The following USP6NL variants were observed in gnomAD, a reference collection of about 807,000 sequenced individuals.
USP6NL encodes USP6 N-terminal-like protein.
Under a neutral mutation model 61.9 loss-of-function variants are expected in USP6NL, and 26 were observed. The ratio of observed to expected loss-of-function variants is 0.42; its 90% CI spans 0.31 to 0.58. The LOEUF (loss-of-function observed/expected upper bound fraction) is 0.58. Among genes scored for constraint, USP6NL ranks in the 20% least tolerant of loss-of-function variants. The probability of loss-of-function intolerance (pLI) is 0.16; values close to 1 mark genes in which losing one functional copy is unlikely to be tolerated. For synonymous variants in USP6NL, 432 were observed against 390.1 expected (o/e 1.11, Z -1.27); for missense variants, 1,114 against 1,034.3 (o/e 1.08, Z -1.06).
In USP6NL at chr10:11,597,604, T is replaced by C; in HGVS notation, c.4+27A>G. On this transcript the variant is annotated intron_variant, in intron 2 of 14. Coordinates refer to ENST00000609104, the MANE Select transcript of USP6NL (RefSeq NM_014688.5). This position sits in a 1 kb window ranked among gnomAD's most constrained non-coding sequence, Gnocchi z 4.6. Reference sequence around the variant, plus strand: ...ATACAGCAAACGCTCCTGAGATGGCTGGAAGGAAAGGAAGCAGCGCACTTA... The same window carrying C: ...ATACAGCAAACGCTCCTGAGATGGCCGGAAGGAAAGGAAGCAGCGCACTTA... 1 of 1,551,200 alleles carries C rather than the reference T, an allele frequency of 6.4e-7. No homozygotes were observed. Among genetic ancestry groups the C allele is most frequent in the Non-Finnish European group, 8.7e-7 (1 of 1,146,554 alleles).
At chr10:11,578,978 A>G (rs1008320286) in intron 2 of USP6NL, among the ~76,000 whole-genome samples, 4 of 152,182 alleles carry the variant, frequency 2.6e-5, no homozygotes, top group African/African-American at 9.6e-5. Context: ...AAACACTACA[A>G]TCGGGGTTTT....
chr10:11,536,460 T>C (rs1019156325), intron 2 of USP6NL, among the ~76,000 whole-genome samples: 6 of 152,240 alleles, frequency 3.9e-5, no homozygotes, highest in Non-Finnish European at 8.8e-5. Flanking sequence ...ATCTTCATGT[T>C]CTTGGAATTT....
intron 2 of USP6NL, among the ~76,000 whole-genome samples, chr10:11,550,311 T>C (rs1217068435): frequency 2.0e-5 from 3 of 151,966 alleles, no homozygotes; most frequent in Admixed American, 2.0e-4. Flanking sequence ...TCAAGGGATA[T>C]AAATAAGAAA....
chr10:11,529,120 C>T lies in USP6NL; in HGVS notation c.5-1553G>A, dbSNP rs74970379. Among the ~76,000 whole-genome samples the T allele has an allele frequency of 4.5e-3, 691 of 152,074 alleles. 4 individuals carry two copies. Among genetic ancestry groups the T allele is most frequent in the African/African-American group, 0.016 (652 of 41,490 alleles). Reference sequence around the variant, plus strand: ...AAATAAGACTTACAGATTGCTGAATCTTTAAGCCAAATATAGGTCTGATAA... The same window carrying T: ...AAATAAGACTTACAGATTGCTGAATTTTTAAGCCAAATATAGGTCTGATAA... On this transcript the variant is annotated intron_variant, in intron 2 of 14. Coordinates refer to ENST00000609104, the MANE Select transcript of USP6NL (RefSeq NM_014688.5).
chr10:11,539,989 C>T (rs1214838636), intron 2 of USP6NL, among the ~76,000 whole-genome samples: 1 of 152,194 alleles, frequency 6.6e-6, no homozygotes, highest in East Asian at 1.9e-4. Context: ...CCAGGCTGTC[C>T]AATTTCAACT....
chr10:11,551,822 A>T (rs1434247966), intron 2 of USP6NL, among the ~76,000 whole-genome samples: 4 of 152,186 alleles, frequency 2.6e-5, no homozygotes, highest in Non-Finnish European at 5.9e-5. Flanking sequence ...TATTCAAATT[A>T]TTTCACTGTA....
chr10:11,492,618 A>G (rs1833749571), intron 8 of USP6NL, among the ~76,000 whole-genome samples: 1 of 152,218 alleles, frequency 6.6e-6, no homozygotes, highest in African/African-American at 2.4e-5. Flanking sequence ...ATGTCCTAAC[A>G]TATATCTCCT....
chr10:11,537,319 C>G lies in USP6NL; in HGVS notation c.5-9752G>C, dbSNP rs558030820. Among the ~76,000 whole-genome samples the G allele has an allele frequency of 1.6e-4, 24 of 152,206 alleles. No individual in the cohort carries two copies. Among genetic ancestry groups the G allele is most frequent in the African/African-American group, 5.8e-4 (24 of 41,518 alleles). ...TCGAGACGGGATTTTGCCATGTTGC[C>G]CTGGCTGGTCTCGAACTCCTGGGCT... is the stretch of plus-strand genomic sequence containing the variant. On this transcript the variant is annotated intron_variant, in intron 2 of 14. Coordinates refer to ENST00000609104, the MANE Select transcript of USP6NL (RefSeq NM_014688.5). This position sits in a 1 kb window ranked among gnomAD's most constrained non-coding sequence, Gnocchi z 5.1.
chr10:11,536,142 T>G (rs1835822867), intron 2 of USP6NL, among the ~76,000 whole-genome samples: 1 of 152,230 alleles, frequency 6.6e-6, no homozygotes, highest in Admixed American at 6.5e-5. Flanking sequence ...AAAGGCTACA[T>G]ACACCAGCTC....
At position 11,520,973 on chromosome 10, in the gene USP6NL, AG is replaced by A. The variant is rs1835181113; in HGVS notation, c.156-2400del. 6.6e-6 allele frequency among the ~76,000 whole-genome samples: 1 copy of A among 152,224 alleles called. No homozygotes were observed. The highest frequency in any genetic ancestry group is 1.5e-5 in the Non-Finnish European group (1 of 68,034). Reference sequence around the variant, plus strand: ...AAGTACCTATATCTCACAGAAATACAGTAAGGGAAAACCATAAGACAGCCAT... The same window carrying A: ...AAGTACCTATATCTCACAGAAATACATAAGGGAAAACCATAAGACAGCCAT... On this transcript the variant is annotated intron_variant, in intron 4 of 14. Coordinates refer to ENST00000609104, the MANE Select transcript of USP6NL (RefSeq NM_014688.5). This position sits in a 1 kb window ranked among gnomAD's most constrained non-coding sequence, Gnocchi z 5.2.
Position 11,528,130 on chromosome 10 carries a change from C to CACACAG in USP6NL, c.5-564_5-563insCTGTGT, listed in dbSNP as rs1835495218. 7.3e-6 allele frequency among the ~76,000 whole-genome samples: 1 copy of CACACAG among 137,030 alleles called. No individual in the cohort carries two copies. Among genetic ancestry groups the CACACAG allele is most frequent in the Non-Finnish European group, 1.5e-5 (1 of 65,436 alleles). 89.9% of individuals were successfully genotyped at this position (137,030 alleles called of 152,430 possible). ...ATATGTGTGTGGACACACACACAGACACACACACACACACACACACACACA... is the reference window on the plus strand; with the variant it reads ...ATATGTGTGTGGACACACACACAGACACACAGACACACACACACACACACACACACA... On this transcript the variant is annotated intron_variant, in intron 2 of 14. Transcript: ENST00000609104. This position sits in a 1 kb window ranked among gnomAD's most constrained non-coding sequence, Gnocchi z 4.6.
rs190376695 is a variant in USP6NL at position 11,589,854 on chromosome 10, G to A, written c.4+7777C>T. ...TAACACCTGAATGCTACCAATGTGT[G>A]AGAACAAAATCAAACCGGTGCCGCT... is the stretch of plus-strand genomic sequence containing the variant. On this transcript the variant is annotated intron_variant, in intron 2 of 14. Transcript: ENST00000609104. This position sits in a 1 kb window ranked among gnomAD's most constrained non-coding sequence, Gnocchi z 4.7. Among the ~76,000 whole-genome samples the A allele has an allele frequency of 3.9e-5, 6 of 152,284 alleles. No individual in the cohort carries two copies. Among genetic ancestry groups the A allele is most frequent in the Admixed American group, 3.9e-4 (6 of 15,298 alleles).
At chr10:11,507,027 T>C (rs983329929) in intron 6 of USP6NL, among the ~76,000 whole-genome samples, 4 of 152,242 alleles carry the variant, frequency 2.6e-5, no homozygotes, top group Admixed American at 6.5e-5. Flanking sequence ...TCTAGCATTA[T>C]AGTTATCGGA....
Position 11,493,106 on chromosome 10 carries a change from A to G in USP6NL, c.494+13T>C. 1 of 1,578,382 alleles carries G rather than the reference A, an allele frequency of 6.3e-7. No homozygotes were observed. Among genetic ancestry groups the G allele is most frequent in the Non-Finnish European group, 8.6e-7 (1 of 1,157,294 alleles). The stretch of plus-strand genomic sequence containing the variant: ...AATGCGATTAACATTTCATAATATT[A>G]AACTTTACTCACTTAACACCATATC... On this transcript the variant is annotated intron_variant, in intron 8 of 14. Transcript: ENST00000609104.
chr10:11,573,873 T>C (rs1837447610), intron 2 of USP6NL: 1 of 384,744 alleles, frequency 2.6e-6, no homozygotes, highest in African/African-American at 2.1e-5. Context: ...AGGCTGTATC[T>C]TCTTGAAATG....
chr10:11,460,618 T>A lies in USP6NL; in HGVS notation c.*1823A>T, dbSNP rs1210159487. ...ATAGTGCTTGTGTGTATATATATAT[T>A]TTTTGCATATATATATATATATATA... On this transcript the variant is annotated 3_prime_UTR_variant, in exon 15 of 15. Coordinates refer to ENST00000609104, the MANE Select transcript of USP6NL (RefSeq NM_014688.5). 1 of 120,596 alleles carries A rather than the reference T, an allele frequency of 8.3e-6. No individual in the cohort carries two copies. Among genetic ancestry groups the A allele is most frequent in the Admixed American group, 9.7e-5 (1 of 10,262 alleles). 7.5% of individuals were successfully genotyped at this position (120,596 alleles called of 1,614,324 possible).
Position 11,499,938 on chromosome 10 carries a change from T to C in USP6NL, c.384+1163A>G, listed in dbSNP as rs140976005. On this transcript the variant is annotated intron_variant, in intron 7 of 14. Coordinates refer to ENST00000609104, the MANE Select transcript of USP6NL (RefSeq NM_014688.5). The surrounding 1 kb of genome is among the most constrained non-coding windows in gnomAD (Gnocchi z 4.5). ...TTTAAACAAATACTAACAGAGCACCTACCATATGCTAGGCACACTGTACTA... is the reference window on the plus strand; with the variant it reads ...TTTAAACAAATACTAACAGAGCACCCACCATATGCTAGGCACACTGTACTA... Among the ~76,000 whole-genome samples the C allele has an allele frequency of 5.3e-5, 8 of 152,304 alleles. No homozygotes were observed. Among genetic ancestry groups the C allele is most frequent in the African/African-American group, 1.7e-4 (7 of 41,558 alleles).
chr10:11,538,846 G>A (rs1049602927), intron 2 of USP6NL, among the ~76,000 whole-genome samples: 3 of 152,142 alleles, frequency 2.0e-5, no homozygotes, highest in Non-Finnish European at 4.4e-5. Flanking sequence ...GGGGCTCCGG[G>A]AAGATGAAGT....
At chr10:11,552,335 T>C (rs968277641) in intron 2 of USP6NL, among the ~76,000 whole-genome samples, 2 of 152,234 alleles carry the variant, frequency 1.3e-5, no homozygotes, top group Non-Finnish European at 2.9e-5. Context: ...CATCCTTCAG[T>C]GCATGCCTCA....
Sources: gnomAD v4.1 joint callset for allele counts (sites outside exome capture counted in the v4.1 genomes callset) on GRCh38, gnomAD v4.1.1 for gene constraint, Gnocchi (gnomAD v3.1) non-coding constraint, MANE v1.5 for transcripts, NCBI Gene and HGNC (gene_info 2026-07-23, HGNC 2026-07-21) for gene names.